The following MAP3K6 variants were observed in gnomAD, a reference collection of about 807,000 sequenced individuals.
MAP3K6 encodes the protein mitogen-activated protein kinase kinase kinase 6.
Under a neutral mutation model 147.1 loss-of-function variants are expected in MAP3K6, and 105 were observed. That is an observed-to-expected ratio of 0.71 (90% confidence interval 0.61 to 0.84). MAP3K6 has a LOEUF of 0.84. MAP3K6 is among the 40% of genes least tolerant of loss of function. MAP3K6 has a pLI of 0.00. For missense variants in MAP3K6, 1,569 were observed against 1,715.0 expected, an observed-to-expected ratio of 0.91 and a Z score of 1.50; for synonymous variants, 695 against 732.4, an observed-to-expected ratio of 0.95 and a Z score of 0.82.
chr1:27,362,043 GGA>G, intron 9 of MAP3K6, 46 bp downstream of exon 9: 1 of 1,573,538 alleles, frequency 6.4e-7, no homozygotes, highest in Non-Finnish European at 8.6e-7. Flanking sequence ...CATAGGTGCA[GGA>G]GCTGACAGCC....
chr1:27,362,348 G>A, intron 8 of MAP3K6, 98 bp from the exon 9 acceptor site: 1 of 1,273,662 alleles, frequency 7.9e-7, no homozygotes, highest in South Asian at 1.5e-5. Context: ...ACATAGATAT[G>A]AGTATGGCAT....
chr1:27,363,109 T>C, intron 6 of MAP3K6, 88 bp from the exon 7 acceptor site: 1 of 1,227,458 alleles, frequency 8.1e-7, no homozygotes, highest in South Asian at 1.5e-5. Context: ...CAGGGACCCT[T>C]CCAGGGGCCT....
At position 27,357,766 on chromosome 1, in the gene MAP3K6, T is replaced by C; in HGVS notation, c.3026A>G (p.Glu1009Gly). 6.2e-7 allele frequency: 1 copy of C among 1,611,472 alleles called. No individual in the cohort carries two copies. Among genetic ancestry groups the C allele is most frequent in the Non-Finnish European group, 8.5e-7 (1 of 1,179,652 alleles). ...KRRAMLAAVL[E>G]QELPALAENL... is the part of the protein sequence containing the mutation. The stretch of plus-strand genomic sequence containing the variant: ...CTCCGCCAGCGCTGGCAGCTCCTGC[T>C]CCAATACTGCGGCCAGCATGGCCCG... The change falls in exon 22 of 29, where the codon GAG (glutamate) becomes GGG (glycine). Residue 1009 changes from glutamate (E) to glycine (G), a missense_variant. Transcript: ENST00000357582.
chr1:27,366,516 C>A lies in MAP3K6; in HGVS notation c.82G>T (p.Gly28Cys), dbSNP rs1443781673. The A allele has an allele frequency of 6.3e-6, 7 of 1,105,600 alleles. No homozygotes were observed. The highest frequency in any genetic ancestry group is 7.7e-6 in the Non-Finnish European group (7 of 908,692). 68.5% of individuals were successfully genotyped at this position (1,105,600 alleles called of 1,614,324 possible). The change falls in exon 1 of 29, where the codon GGC becomes TGC. Residue 28 changes from glycine (G) to cysteine (C), a missense_variant. Transcript: ENST00000357582. This position sits in a 1 kb window ranked among gnomAD's most constrained non-coding sequence, Gnocchi z 5.5. ...QDPLAVALSRGRQLAAPPGRG... is the reference protein window; with the variant it reads ...QDPLAVALSRCRQLAAPPGRG... ...CCCGGGGGCGCCGCGAGCTGCCGGC[C>A]CCGGCTCAGCGCCACGGCCAGCGGG...
In MAP3K6 at chr1:27,359,033, C is replaced by A. The variant is rs2015646828; in HGVS notation, c.2426-167G>T. 6.6e-6 allele frequency among the ~76,000 whole-genome samples: 1 copy of A among 152,134 alleles called. No homozygotes were observed. Among genetic ancestry groups the A allele is most frequent in the African/African-American group, 2.4e-5 (1 of 41,398 alleles). ...ATCAAACATCTATCCTGAGTTCCAT[C>A]ACCACCCTGGGCTCCATCGCCTGCC... On this transcript the variant is annotated intron_variant, in intron 18 of 28. Coordinates refer to ENST00000357582, the MANE Select transcript of MAP3K6 (RefSeq NM_004672.5). The surrounding 1 kb of genome is among the most constrained non-coding windows in gnomAD (Gnocchi z 4.4).
In MAP3K6 at chr1:27,355,234, G is replaced by T; in HGVS notation, c.*157C>A. 1 of 747,314 alleles carries T rather than the reference G, an allele frequency of 1.3e-6. No homozygotes were observed. 46.3% of individuals were successfully genotyped at this position (747,314 alleles called of 1,614,324 possible). On this transcript the variant is annotated 3_prime_UTR_variant, in exon 29 of 29. Coordinates refer to ENST00000357582, the MANE Select transcript of MAP3K6 (RefSeq NM_004672.5). ...TTTGTCTGGTAGTGCTTGGGTGCCT[G>T]TGGTTGGTTTCTCTCACTGGAACCA...
chr1:27,359,935 T>C lies in MAP3K6; in HGVS notation c.2242A>G (p.Ile748Val). 2.5e-6 allele frequency: 4 copies of C among 1,614,122 alleles called. No homozygotes were observed. Among genetic ancestry groups the C allele is most frequent in the Non-Finnish European group, 3.4e-6 (4 of 1,180,006 alleles). ...WGPLKDNEST[I>V]SFYTRQILQG... Reference sequence around the variant, plus strand: ...AGGATCTGGCGGGTGTAGAAACTGATGGTGCTCTCGTTGTCCTTCAGGGGT... The same window carrying C: ...AGGATCTGGCGGGTGTAGAAACTGACGGTGCTCTCGTTGTCCTTCAGGGGT... Residue 748 changes from isoleucine (I) to valine (V), a missense_variant, in exon 17 of 29, where the codon ATC (isoleucine) becomes GTC (valine). Ile to Val is a conservative substitution (Grantham distance 29). Transcript: ENST00000357582. This position sits in a 1 kb window ranked among gnomAD's most constrained non-coding sequence, Gnocchi z 4.4.
Position 27,361,242 on chromosome 1 carries a change from G to C in MAP3K6, c.1747C>G (p.Arg583Gly). 1 of 1,613,416 alleles carries C rather than the reference G, an allele frequency of 6.2e-7. No individual in the cohort carries two copies. The highest frequency in any genetic ancestry group is 8.5e-7 in the Non-Finnish European group (1 of 1,179,836). Reference protein sequence around the residue: ...ASICGVSASKRDERCCFLYAL... With the variant: ...ASICGVSASKGDERCCFLYAL... ...TAGAGGAAGCAGCAGCGCTCGTCGC[G>C]CTTTGAGGCGCTGGGAAGGGATGAA... The change falls in exon 13 of 29, where the codon CGC (arginine) becomes GGC (glycine). Residue 583 changes from arginine (R) to glycine (G), a missense_variant. Physicochemically the swap from Arg to Gly is moderately radical, Grantham distance 125. Transcript: ENST00000357582.
At chr1:27,357,909 G>A (rs144571694) in intron 21 of MAP3K6, 33 bp from the exon 22 acceptor site, 23 of 1,547,878 alleles carry the variant, frequency 1.5e-5, no homozygotes, top group East Asian at 2.4e-5. Flanking sequence ...GATTGAGGAC[G>A]GGCAGCAACC....
At chr1:27,356,923 GC>G in intron 24 of MAP3K6, 85 bp downstream of exon 24, 1 of 1,461,026 alleles carries the variant, frequency 6.8e-7, no homozygotes, top group Non-Finnish European at 9.4e-7. Flanking sequence ...GTCCCGCCTG[GC>G]CCCCACCGGC....
intron 6 of MAP3K6, among the ~76,000 whole-genome samples, 179 bp downstream of exon 6, chr1:27,363,263 C>G (rs1222933204): frequency 1.3e-5 from 2 of 152,074 alleles, no homozygotes; most frequent in African/African-American, 4.8e-5. Flanking sequence ...AGCACCACCT[C>G]CCCCACCCCG....
rs1381276627 is a variant in MAP3K6, at chr1:27,366,282, C to T, written c.316G>A (p.Ala106Thr). The T allele has an allele frequency of 7.5e-7, 1 of 1,339,190 alleles. No homozygotes were observed. The highest frequency in any genetic ancestry group is 9.6e-7 in the Non-Finnish European group (1 of 1,046,206). 83.0% of individuals were successfully genotyped at this position (1,339,190 alleles called of 1,614,324 possible). ...FGTLELGDTA[A>T]LDAFYNADVV... ...CCCGCGTTGTAGAAGGCATCCAGAG[C>T]CGCGGTGTCGCCTAGCTCCAGCGTC... Residue 106 changes from alanine (A) to threonine (T), a missense_variant, in exon 1 of 29, where the codon GCT becomes ACT. Physicochemically the swap from Ala to Thr is moderately conservative, Grantham distance 58. Transcript: ENST00000357582. The surrounding 1 kb of genome is among the most constrained non-coding windows in gnomAD (Gnocchi z 5.5).
In MAP3K6 at chr1:27,361,330, A is replaced by G. The variant is rs1321891848; in HGVS notation, c.1736+16T>C. The G allele has an allele frequency of 1.2e-6, 2 of 1,613,904 alleles. No individual in the cohort carries two copies. The highest frequency in any genetic ancestry group is 1.1e-5 in the South Asian group (1 of 91,050). On this transcript the variant is annotated intron_variant, in intron 12 of 28. Transcript: ENST00000357582. The stretch of plus-strand genomic sequence containing the variant: ...CACCTCCCGTCTTTCCAGTCACCCC[A>G]GGTCCCGCCTATCACCTGACTCCGC...
Position 27,358,296 on chromosome 1 carries a change from G to A in MAP3K6, c.2800C>T (p.Pro934Ser), listed in dbSNP as rs776703876. Residue 934 changes from proline to serine, a missense_variant, in exon 21 of 29, where the codon CCT becomes TCT. By Grantham distance (74) the Pro-to-Ser change is moderately conservative. Transcript: ENST00000357582. The surrounding 1 kb of genome is among the most constrained non-coding windows in gnomAD (Gnocchi z 6.2). ...PSDAPSASPTPSANSTTQSQT... is the reference protein window; with the variant it reads ...PSDAPSASPTSSANSTTQSQT... ...GACTGGGTGGTTGAGTTGGCTGAAG[G>A]AGTGGGACTGGCAGAAGGGGCATCT... 2 of 1,609,504 alleles carry A rather than the reference G, an allele frequency of 1.2e-6. No individual in the cohort carries two copies. Among genetic ancestry groups the A allele is most frequent in the South Asian group, 2.2e-5 (2 of 90,612 alleles).
Position 27,362,667 on chromosome 1 carries a change from T to A in MAP3K6, c.1229A>T (p.Glu410Val), listed in dbSNP as rs2015822009. Residue 410 changes from glutamate to valine, a missense_variant, in exon 8 of 29, where the codon GAG becomes GTG. By Grantham distance (121) the Glu-to-Val change is moderately radical. Coordinates refer to ENST00000357582, the MANE Select transcript of MAP3K6 (RefSeq NM_004672.5). Reference sequence around the variant, plus strand: ...TATTAGCCGGAGCTCTTTGGAATCCTCAAAGTGCTGCCCGGCAGCAATGAG... The same window carrying A: ...TATTAGCCGGAGCTCTTTGGAATCCACAAAGTGCTGCCCGGCAGCAATGAG... ...VLLIAAGQHF[E>V]DSKELRLIGM... The A allele has an allele frequency of 6.3e-6, 10 of 1,599,972 alleles. No individual in the cohort carries two copies. Among genetic ancestry groups the A allele is most frequent in the Non-Finnish European group, 8.5e-6 (10 of 1,172,190 alleles).
In MAP3K6 at chr1:27,358,042, A is replaced by G; in HGVS notation, c.2915+139T>C. On this transcript the variant is annotated intron_variant, in intron 21 of 28. Transcript: ENST00000357582. This position sits in a 1 kb window ranked among gnomAD's most constrained non-coding sequence, Gnocchi z 6.2. ...ACAACAAGTCCAAGTTAGAGTTGCC[A>G]GAACAGGGCATGGGGAGGCACCAAA... 6.7e-7 allele frequency: 1 copy of G among 1,495,494 alleles called. No individual in the cohort carries two copies. The allele number at this position is 1,495,494 out of a possible 1,614,324, so 92.6% of individuals were successfully genotyped here.
In MAP3K6 at chr1:27,358,794, C is replaced by A; in HGVS notation, c.2498G>T (p.Trp833Leu). The change falls in exon 19 of 29, where the codon TGG becomes TTG. Residue 833 changes from tryptophan (W) to leucine (L), a missense_variant. Coordinates refer to ENST00000357582, the MANE Select transcript of MAP3K6 (RefSeq NM_004672.5). The surrounding 1 kb of genome is among the most constrained non-coding windows in gnomAD (Gnocchi z 6.2). Reference protein sequence around the residue: ...PRGYGKAADIWSLGCTVIEMA... With the variant: ...PRGYGKAADILSLGCTVIEMA... ...CTCAATGACAGTGCAGCCCAGTGACCAGATGTCAGCTGCTTTCCCATACCC... is the reference window on the plus strand; with the variant it reads ...CTCAATGACAGTGCAGCCCAGTGACAAGATGTCAGCTGCTTTCCCATACCC... 2.5e-6 allele frequency: 4 copies of A among 1,613,310 alleles called. No individual in the cohort carries two copies. Among genetic ancestry groups the A allele is most frequent in the East Asian group, 2.2e-5 (1 of 44,860 alleles).
Position 27,362,212 on chromosome 1 carries a change from C to T in MAP3K6, c.1294G>A (p.Val432Met), listed in dbSNP as rs377490412. The T allele has an allele frequency of 1.3e-5, 21 of 1,613,234 alleles. No individual in the cohort carries two copies. Among genetic ancestry groups the T allele is most frequent in the South Asian group, 7.7e-5 (7 of 91,040 alleles). The part of the protein sequence containing the change: ...LGCLLARKGC[V>M]EKMQYYWDVG... ...TCCCAGTAATACTGCATCTTCTCCACGCAGCCTTTGCGGGCCAGCAGGCAG... is the reference window on the plus strand; with the variant it reads ...TCCCAGTAATACTGCATCTTCTCCATGCAGCCTTTGCGGGCCAGCAGGCAG... The change falls in exon 9 of 29, where the codon GTG becomes ATG. Residue 432 changes from valine (V) to methionine (M), a missense_variant. Transcript: ENST00000357582.
chr1:27,355,463 C>T lies in MAP3K6; in HGVS notation c.3795G>A (p.Gly1265=). ...DDLIYTRIRG[G]MVCRIWRAIL... Reference sequence around the variant, plus strand: ...TGGCCCTCCAGATGCGGCATACCATCCCTCCCCTGGGGGTAATGGACTCAG... The same window carrying T: ...TGGCCCTCCAGATGCGGCATACCATTCCTCCCCTGGGGGTAATGGACTCAG... Residue 1265 remains glycine (G), a synonymous_variant, in exon 29 of 29, where the codon GGG becomes GGA. Transcript: ENST00000357582. The T allele has an allele frequency of 1.2e-6, 2 of 1,614,168 alleles. No homozygotes were observed. Among genetic ancestry groups the T allele is most frequent in the Non-Finnish European group, 1.7e-6 (2 of 1,180,024 alleles).
Sources: gnomAD v4.1 joint callset for allele counts (sites outside exome capture counted in the v4.1 genomes callset) on GRCh38, gnomAD v4.1.1 for gene constraint, Gnocchi (gnomAD v3.1) non-coding constraint, MANE v1.5 for transcripts, NCBI Gene and HGNC (gene_info 2026-07-23, HGNC 2026-07-21) for gene names.